RAPGEF3: variants seen among roughly 807,000 people sequenced by gnomAD.
RAPGEF3 encodes 9330170P05Rik.
Under a neutral mutation model 129.8 loss-of-function variants are expected in RAPGEF3, and 103 were observed. The observed-to-expected ratio is 0.79, with a 90% CI of 0.68 to 0.93. RAPGEF3 has a LOEUF of 0.93. Among genes scored for constraint, RAPGEF3 ranks in the 40% least tolerant of loss-of-function variants. RAPGEF3 has a pLI of 0.00. For synonymous variants in RAPGEF3, 436 were observed against 482.6 expected (o/e 0.90, Z 1.26); for missense variants, 1,117 against 1,207.4 (o/e 0.93, Z 1.11).
Position 47,747,593 on chromosome 12 carries a change from G to A in RAPGEF3, c.1507C>T (p.Leu503Phe). The A allele has an allele frequency of 6.2e-7, 1 of 1,614,138 alleles. No individual in the cohort carries two copies. Among genetic ancestry groups the A allele is most frequent in the Non-Finnish European group, 8.5e-7 (1 of 1,179,964 alleles). The change falls in exon 15 of 28, where the codon CTC becomes TTC. Residue 503 changes from leucine (L) to phenylalanine (F), a missense_variant. Transcript: ENST00000449771. ...LSDLVGRDTR[L>F]SNLLREQWPE... ...CACTGCTCCCTCAGCAGGTTGCTGAGTCGGGTGTCCCTGCCCACCAGGTCT... is the reference window on the plus strand; with the variant it reads ...CACTGCTCCCTCAGCAGGTTGCTGAATCGGGTGTCCCTGCCCACCAGGTCT...
intron 23 of RAPGEF3, 74 bp downstream of exon 23, chr12:47,740,067 T>A: frequency 1.1e-5 from 17 of 1,505,650 alleles, no homozygotes; most frequent in Non-Finnish European, 1.5e-5. Flanking sequence ...AAGCCAAGAG[T>A]GAGGGTGTCT....
Position 47,758,592 on chromosome 12 carries a change from A to G in RAPGEF3, c.-36T>C. ...AAGCTCGCACAGCCGTGCAGGCTCT[A>G]GCAAAAGGCTGGGGGGTCCCCAGCG... is the stretch of plus-strand genomic sequence containing the variant. On this transcript the variant is annotated 5_prime_UTR_variant, in exon 1 of 28. The change abolishes the stop of an existing upstream ORF in the 5' untranslated region. Transcript: ENST00000449771. 1 of 1,613,400 alleles carries G rather than the reference A, an allele frequency of 6.2e-7. No individual in the cohort carries two copies.
At chr12:47,747,932 T>A in intron 13 of RAPGEF3, 70 bp from the exon 14 acceptor site, 2 of 1,592,124 alleles carry the variant, frequency 1.3e-6, no homozygotes, top group Non-Finnish European at 1.7e-6. Flanking sequence ...AGGGGCAGGA[T>A]GCCCAGGGCC....
In RAPGEF3 at chr12:47,740,414, G is replaced by C. The variant is rs748155028; in HGVS notation, c.2232-19C>G. ...CTTGAGGCTGTGAGCAGAAGACCCA[G>C]AGACCCTCAGGGTAAGGGAAGCAGC... On this transcript the variant is annotated intron_variant, in intron 21 of 27. Coordinates refer to ENST00000449771, the MANE Select transcript of RAPGEF3 (RefSeq NM_001098531.4). 3.1e-6 allele frequency: 5 copies of C among 1,611,938 alleles called. No homozygotes were observed. The highest frequency in any genetic ancestry group is 1.3e-5 in the African/African-American group (1 of 75,002).
intron 24 of RAPGEF3, 110 bp downstream of exon 24, chr12:47,739,033 G>A (rs1940971689): frequency 5.2e-6 from 5 of 965,270 alleles, no homozygotes; most frequent in Non-Finnish European, 7.9e-6. Flanking sequence ...CCAACAGAGT[G>A]GGTGCACACA....
chr12:47,741,061 AG>A, intron 19 of RAPGEF3, 21 bp from the exon 20 acceptor site: 1 of 1,610,426 alleles, frequency 6.2e-7, no homozygotes, highest in Non-Finnish European at 8.5e-7. Context: ...GAGAGTGCTC[AG>A]GGGGCTGCCT....
rs140688329 is a variant in RAPGEF3, at chr12:47,740,386, C to T, written c.2241G>A (p.Glu747=). The change falls in exon 22 of 28, where the codon GAG becomes GAA. Residue 747 remains glutamate (E), a synonymous_variant. Transcript: ENST00000449771. ...KFIKLAAHLK[E]QKNLNSFFAV... ...CAAAGAAGGAATTGAGATTCTTCTG[C>T]TCCTTGAGGCTGTGAGCAGAAGACC... 2.6e-4 allele frequency: 423 copies of T among 1,613,820 alleles called. No individual in the cohort carries two copies. The highest frequency in any genetic ancestry group is 3.4e-4 in the Non-Finnish European group (399 of 1,179,976).
rs114921990 is a variant in RAPGEF3, at chr12:47,752,319, G to A, written c.220-350C>T. Among the ~76,000 whole-genome samples, 183 of 152,332 alleles carry A rather than the reference G, an allele frequency of 1.2e-3. 3 individuals carry two copies. Among genetic ancestry groups the A allele is most frequent in the African/African-American group, 4.3e-3 (177 of 41,574 alleles). On this transcript the variant is annotated intron_variant, in intron 2 of 27. Coordinates refer to ENST00000449771, the MANE Select transcript of RAPGEF3 (RefSeq NM_001098531.4). ...GTGAGGGAGCTGGAAGGAGCATGAG[G>A]ACATGAGATAAGAAGACCTGGGAGA...
intron 21 of RAPGEF3, 117 bp downstream of exon 21, chr12:47,740,525 G>A (rs1941082244): frequency 1.4e-6 from 2 of 1,479,338 alleles, no homozygotes; most frequent in Admixed American, 3.7e-5. Context: ...AGGCTCCAGG[G>A]GACCCAGGGA....
At chr12:47,755,053 C>G (rs1256830309) in intron 2 of RAPGEF3, among the ~76,000 whole-genome samples, 1 of 152,160 alleles carries the variant, frequency 6.6e-6, no homozygotes, top group Non-Finnish European at 1.5e-5. Flanking sequence ...TGTGGTGGGA[C>G]AGGGGAAGGG....
chr12:47,735,815 G>A lies in RAPGEF3; in HGVS notation c.*1752C>T, dbSNP rs1239839545. ...GCTGGCTTTTGCCGAGACACCAGCA[G>A]ACAATGGGTTGGATGAAAAGAAAGC... is the stretch of plus-strand genomic sequence containing the variant. On this transcript the variant is annotated 3_prime_UTR_variant, in exon 28 of 28. Transcript: ENST00000449771. 6.6e-6 allele frequency: 1 copy of A among 152,600 alleles called. No individual in the cohort carries two copies. Among genetic ancestry groups the A allele is most frequent in the East Asian group, 1.9e-4 (1 of 5,198 alleles). The allele number at this position is 152,600 out of a possible 1,614,324, so 9.5% of individuals were successfully genotyped here.
At chr12:47,756,686 C>T (rs376182190) in intron 2 of RAPGEF3, among the ~76,000 whole-genome samples, 69 of 152,206 alleles carry the variant, frequency 4.5e-4, no homozygotes, top group African/African-American at 1.6e-3. Flanking sequence ...GAAGTGAACT[C>T]TCGGCTAGGC....
chr12:47,747,244 G>A (rs548505918), intron 15 of RAPGEF3, among the ~76,000 whole-genome samples: 6 of 152,308 alleles, frequency 3.9e-5, no homozygotes, highest in African/African-American at 9.6e-5. Context: ...TGTACCGGGC[G>A]GGACTGGCAG....
intron 2 of RAPGEF3, among the ~76,000 whole-genome samples, chr12:47,756,843 C>T (rs1486687976): frequency 6.6e-6 from 1 of 152,010 alleles, no homozygotes; most frequent in East Asian, 1.9e-4. Context: ...GTGGCGCACA[C>T]CTGTAGCCCC....
rs1451917070 is a variant in RAPGEF3 at position 47,746,623 on chromosome 12, C to T, written c.1596+237G>A. The stretch of plus-strand genomic sequence containing the variant: ...TACCTCCCAAAAGGAATAAAAGGCC[C>T]ATTGAGTCAGGGAGTGGGCGAGGAG... On this transcript the variant is annotated intron_variant, in intron 16 of 27. Transcript: ENST00000449771. 5.6e-6 allele frequency: 4 copies of T among 709,334 alleles called. No homozygotes were observed. In the Admixed American group the frequency reaches 8.3e-5, roughly 15 times the overall value. 43.9% of individuals were successfully genotyped at this position (709,334 alleles called of 1,614,324 possible).
intron 15 of RAPGEF3, 35 bp downstream of exon 15, chr12:47,747,509 A>C (rs1941487421): frequency 6.2e-7 from 1 of 1,602,020 alleles, no homozygotes; most frequent in African/African-American, 1.3e-5. Flanking sequence ...ACTGCCAGTT[A>C]TGGAAATGAC....
In RAPGEF3 at chr12:47,751,948, C is replaced by A. The variant is rs752517164; in HGVS notation, c.241G>T (p.Glu81Ter). 10 of 1,614,106 alleles carry A rather than the reference C, an allele frequency of 6.2e-6. No individual in the cohort carries two copies. The highest frequency in any genetic ancestry group is 8.5e-6 in the Non-Finnish European group (10 of 1,180,004). The change falls in exon 3 of 28, where the codon GAG becomes TAG. Residue 81 changes from glutamate (E) to a stop codon, truncating the protein, a stop_gained. Coordinates refer to ENST00000449771, the MANE Select transcript of RAPGEF3 (RefSeq NM_001098531.4). LOFTEE classifies it high-confidence loss of function. ...AGGCTCTCGCTGAAATCCAGGGACTCCTCGCTGTTGGTGAGTGGTGTCTGG... is the reference window on the plus strand; with the variant it reads ...AGGCTCTCGCTGAAATCCAGGGACTACTCGCTGTTGGTGAGTGGTGTCTGG... Reference protein sequence around the residue: ...LRWTPLTNSEESLDFSESLEQ... With the variant: ...LRWTPLTNSE
Position 47,748,081 on chromosome 12 carries a change from G to A in RAPGEF3, c.1315C>T (p.Leu439=). Reference sequence around the variant, plus strand: ...CTGGAGCTGGAAGGATATTGGTGCAGAAGGGCAGCGCAGAGTTGGGCGCTG... The same window carrying A: ...CTGGAGCTGGAAGGATATTGGTGCAAAAGGGCAGCGCAGAGTTGGGCGCTG... ...MPSAQLCAAL[L]HHFHVEPAGG... is the part of the protein sequence containing the mutation. The change falls in exon 13 of 28, where the codon CTG becomes TTG. Residue 439 remains leucine (L), a synonymous_variant. Transcript: ENST00000449771. 1.3e-6 allele frequency: 2 copies of A among 1,584,000 alleles called. No individual in the cohort carries two copies. The highest frequency in any genetic ancestry group is 1.7e-6 in the Non-Finnish European group (2 of 1,164,140).
Position 47,743,515 on chromosome 12 carries a change from A to AG in RAPGEF3, c.1825+14dup. Reference sequence around the variant, plus strand: ...GGCCACCCTCCCTTGGGGTCTATCCAGGGGCACAACTCACCACCTGCAGAA... The same window carrying AG: ...GGCCACCCTCCCTTGGGGTCTATCCAGGGGGCACAACTCACCACCTGCAGAA... On this transcript the variant is annotated intron_variant, in intron 18 of 27. Coordinates refer to ENST00000449771, the MANE Select transcript of RAPGEF3 (RefSeq NM_001098531.4). 1 of 1,611,064 alleles carries AG rather than the reference A, an allele frequency of 6.2e-7. No homozygotes were observed.
Sources: allele counts gnomAD v4.1 joint callset (sites outside exome capture counted in the v4.1 genomes callset), GRCh38; gene constraint gnomAD v4.1.1; transcripts MANE v1.5; gene names NCBI Gene and HGNC (gene_info 2026-07-23, HGNC 2026-07-21).